Variants in ROS1 observed in about 807,000 individuals in gnomAD.
ROS1 encodes proto-oncogene tyrosine-protein kinase ROS.
A neutral mutation model predicts 273.5 loss-of-function variants in ROS1; 263 were observed. That is an observed-to-expected ratio of 0.96 (90% CI 0.87 to 1.06). ROS1 has a LOEUF of 1.06. Among genes scored for constraint, ROS1 ranks in the 50% least tolerant of loss-of-function variants. ROS1 has a pLI of 0.00. For synonymous variants in ROS1, 1,008 were observed against 954.1 expected, an observed-to-expected ratio of 1.06 and a Z score of -1.04; for missense variants, 2,833 against 2,751.1, an observed-to-expected ratio of 1.03 and a Z score of -0.67.
At chr6:117,326,039 T>C (rs533430409) in intron 34 of ROS1, among the ~76,000 whole-genome samples, 185 bp downstream of exon 34, 43 of 149,150 alleles carry the variant, frequency 2.9e-4, no homozygotes, top group African/African-American at 9.8e-4. Context: ...AATGATGTTT[T>C]AGAAAGATCA....
At chr6:117,371,491 G>C (rs1198583721) in intron 18 of ROS1, among the ~76,000 whole-genome samples, 2 of 152,276 alleles carry the variant, frequency 1.3e-5, no homozygotes, top group African/African-American at 4.8e-5. Context: ...GGCTGCCAGT[G>C]TAACTGGAGA....
chr6:117,314,894 G>A (rs920157334), intron 39 of ROS1, among the ~76,000 whole-genome samples: 13 of 152,102 alleles, frequency 8.5e-5, no homozygotes, highest in African/African-American at 3.1e-4. Context: ...CCATCATTTT[G>A]TTAGGCCTCA....
chr6:117,345,237 G>A (rs1053110598), intron 27 of ROS1, among the ~76,000 whole-genome samples: 14 of 152,102 alleles, frequency 9.2e-5, no homozygotes, highest in African/African-American at 2.9e-4. Flanking sequence ...CTTCACATAG[G>A]TAGTCTCTTC....
chr6:117,344,053 A>G lies in ROS1; in HGVS notation c.4506+7T>C. 3.1e-6 allele frequency: 5 copies of G among 1,604,406 alleles called. No homozygotes were observed. The highest frequency in any genetic ancestry group is 3.4e-6 in the Non-Finnish European group (4 of 1,171,280). Reference sequence around the variant, plus strand: ...GAAAAGACAAAGACCACTAGTTCCAATCTTACCAGAATTCTATATTTCAAG... The same window carrying G: ...GAAAAGACAAAGACCACTAGTTCCAGTCTTACCAGAATTCTATATTTCAAG... On this transcript the variant is annotated splice_region_variant and intron_variant, in intron 28 of 43. Coordinates refer to ENST00000368507, the MANE Select transcript of ROS1 (RefSeq NM_001378902.1).
At chr6:117,337,443 CT>C in intron 31 of ROS1, 103 bp from the exon 32 acceptor site, 5 of 832,476 alleles carry the variant, frequency 6.0e-6, no homozygotes, top group Admixed American at 3.0e-5. Context: ...TTTAAGCATT[CT>C]TTTCTATTAA....
chr6:117,424,955 T>C (rs530314812), intron 1 of ROS1, among the ~76,000 whole-genome samples: 15 of 152,258 alleles, frequency 9.9e-5, no homozygotes, highest in Non-Finnish European at 2.1e-4. Context: ...TGAAAAGAGA[T>C]GGTACAATAG....
At chr6:117,411,799 T>A (rs1056961836) in intron 4 of ROS1, among the ~76,000 whole-genome samples, 6 of 152,190 alleles carry the variant, frequency 3.9e-5, no homozygotes, top group Non-Finnish European at 7.3e-5. Context: ...TCTAAGAATA[T>A]GACAGTAAGC....
chr6:117,365,870 A>G, intron 19 of ROS1, 129 bp from the exon 20 acceptor site: 2 of 930,100 alleles, frequency 2.2e-6, no homozygotes, highest in Non-Finnish European at 3.2e-6. Context: ...TTTCTTTAAC[A>G]TATCCTGAAA....
intron 28 of ROS1, among the ~76,000 whole-genome samples, chr6:117,343,754 C>G (rs756056761): frequency 3.3e-5 from 5 of 152,216 alleles, no homozygotes; most frequent in Non-Finnish European, 2.9e-5. Flanking sequence ...AAATAATTCT[C>G]TATCATTCTC....
chr6:117,365,219 G>C lies in ROS1; in HGVS notation c.2959-15C>G, dbSNP rs1780119107. On this transcript the variant is annotated splice_polypyrimidine_tract_variant and intron_variant, in intron 20 of 43. Transcript: ENST00000368507. ...CTAGCCAAGAACTAAAATATAAACA[G>C]AAAACATTATTTTCTCAGGGAGAGA... 1.3e-6 allele frequency: 2 copies of C among 1,562,284 alleles called. No individual in the cohort carries two copies. Among genetic ancestry groups the C allele is most frequent in the Non-Finnish European group, 1.7e-6 (2 of 1,151,310 alleles).
chr6:117,301,073 G>A lies in ROS1; in HGVS notation c.6616C>T (p.Gln2206Ter), dbSNP rs866580908. The stretch of plus-strand genomic sequence containing the variant: ...TTTCTGAATAACTGAAGTTGGTCCT[G>A]AATTCTATGAAAAGTAGGTCTTTGG... ...PDQRPTFHRI[Q>*]DQLQLFRNFF... The change falls in exon 43 of 44, where the codon CAG becomes TAG. Residue 2206 changes from glutamine to a stop codon, truncating the protein, a stop_gained. Transcript: ENST00000368507. LOFTEE classifies it high-confidence loss of function. 4 of 1,604,950 alleles carry A rather than the reference G, an allele frequency of 2.5e-6. No individual in the cohort carries two copies. The highest frequency in any genetic ancestry group is 3.4e-6 in the Non-Finnish European group (4 of 1,176,244).
intron 42 of ROS1, chr6:117,301,616 T>C (rs567557359): frequency 6.5e-6 from 1 of 153,314 alleles, no homozygotes; most frequent in South Asian, 2.1e-4. Context: ...AAGAGGACCA[T>C]TCTTTAATCA....
chr6:117,340,927 A>AATT (rs1398814966), intron 31 of ROS1, among the ~76,000 whole-genome samples: 1 of 152,156 alleles, frequency 6.6e-6, no homozygotes, highest in East Asian at 1.9e-4. Context: ...CTTTTACATA[A>AATT]AGCCTTTTAA....
chr6:117,323,726 GA>G (rs1562271587), intron 35 of ROS1, among the ~76,000 whole-genome samples: 1 of 151,644 alleles, frequency 6.6e-6, no homozygotes. Context: ...AATCTTCTTA[GA>G]AAAAAAATAG....
intron 27 of ROS1, among the ~76,000 whole-genome samples, chr6:117,348,619 T>C (rs1778562913): frequency 6.6e-6 from 1 of 151,882 alleles, no homozygotes; most frequent in Non-Finnish European, 1.5e-5. Context: ...TTCTTTTGTT[T>C]TAGTTTTGTT....
chr6:117,409,208 G>C (rs1033415311), intron 5 of ROS1, among the ~76,000 whole-genome samples: 1 of 148,824 alleles, frequency 6.7e-6, no homozygotes, highest in Non-Finnish European at 1.5e-5. Context: ...AAAACTTAAA[G>C]TATAATAAAA....
intron 18 of ROS1, among the ~76,000 whole-genome samples, chr6:117,370,807 A>G (rs1780703244): frequency 6.6e-6 from 1 of 152,242 alleles, no homozygotes. Context: ...AAAATGGAAT[A>G]CTAAAAATTA....
intron 38 of ROS1, 123 bp downstream of exon 38, chr6:117,318,065 A>T: frequency 1.4e-6 from 1 of 719,224 alleles, no homozygotes; most frequent in Non-Finnish European, 2.4e-6. Context: ...AGTTCCATTT[A>T]AACGTTTCAA....
Position 117,409,617 on chromosome 6 carries a change from C to T in ROS1, c.281G>A (p.Ser94Asn). The stretch of plus-strand genomic sequence containing the variant: ...CTCTTCATATGCACCTTCCGCGCTG[C>T]TACAGCCAACCTCACACGACTCCCG... Reference protein sequence around the residue: ...CERESCEVGCSSAEGAYEEEV... With the variant: ...CERESCEVGCNSAEGAYEEEV... Residue 94 changes from serine (S) to asparagine (N), a missense_variant, in exon 5 of 44, where the codon AGC becomes AAC. Physicochemically the swap from Ser to Asn is conservative, Grantham distance 46 (BLOSUM62 1). Coordinates refer to ENST00000368507, the MANE Select transcript of ROS1 (RefSeq NM_001378902.1). 2 of 1,613,962 alleles carry T rather than the reference C, an allele frequency of 1.2e-6. No homozygotes were observed. The highest frequency in any genetic ancestry group is 1.7e-6 in the Non-Finnish European group (2 of 1,179,920).
Sources: allele counts gnomAD v4.1 joint callset (sites outside exome capture counted in the v4.1 genomes callset), GRCh38; gene constraint gnomAD v4.1.1; transcripts MANE v1.5; gene names NCBI Gene and HGNC (gene_info 2026-07-23, HGNC 2026-07-21).